ADCY9: variants seen among roughly 807,000 people sequenced by gnomAD.
ADCY9 encodes the protein adenylate cyclase type 9.
In ADCY9, 50 loss-of-function variants were observed where a neutral mutation model predicts 101.5. The observed-to-expected ratio is 0.49, with a 90% CI of 0.39 to 0.62. The LOEUF is 0.62. Among genes scored for constraint, ADCY9 ranks in the 20% least tolerant of loss-of-function variants. ADCY9 has a pLI of 0.00. For synonymous variants in ADCY9, 905 were observed against 769.3 expected, an observed-to-expected ratio of 1.18 and a Z score of -2.92; for missense variants, 1,662 against 1,800.4, an observed-to-expected ratio of 0.92 and a Z score of 1.39.
At chr16:4,100,721 C>G (rs1197414138) in intron 2 of ADCY9, among the ~76,000 whole-genome samples, 1 of 113,868 alleles carries the variant, frequency 8.8e-6, no homozygotes, top group East Asian at 2.6e-4. Context: ...CCAACCTGGG[C>G]AAAGGAGTGA....
chr16:3,961,223 G>C (rs918952326), downstream of ADCY9, among the ~76,000 whole-genome samples: 2 of 152,092 alleles, frequency 1.3e-5, no homozygotes, highest in Non-Finnish European at 2.9e-5. Flanking sequence ...TGAGGAGGAC[G>C]GATCACTTGA....
intron 2 of ADCY9, among the ~76,000 whole-genome samples, chr16:4,024,573 T>G (rs1248237946): frequency 6.6e-6 from 1 of 152,096 alleles, no homozygotes; most frequent in African/African-American, 2.4e-5. Context: ...TGGCTGGCTC[T>G]TTTTAAAGCC....
chr16:3,996,307 C>T (rs1490722427), intron 3 of ADCY9, among the ~76,000 whole-genome samples: 1 of 152,164 alleles, frequency 6.6e-6, no homozygotes, highest in Non-Finnish European at 1.5e-5. Context: ...GGCTGCAGTG[C>T]ACTGTGATTG....
intron 2 of ADCY9, among the ~76,000 whole-genome samples, chr16:4,016,974 G>A (rs1166763726): frequency 6.6e-6 from 1 of 152,140 alleles, no homozygotes; most frequent in Non-Finnish European, 1.5e-5. Flanking sequence ...CATCATATGT[G>A]AATTATACGT....
chr16:3,977,681 C>A, intron 8 of ADCY9, 51 bp from the exon 9 acceptor site: 1 of 1,568,712 alleles, frequency 6.4e-7, no homozygotes, highest in Non-Finnish European at 8.7e-7. Flanking sequence ...CCCGCCACCC[C>A]TGCTATACCC....
rs776923222 is a variant in ADCY9 at position 3,992,162 on chromosome 16, C to T, written c.2191G>A (p.Val731Ile). 3.7e-6 allele frequency: 6 copies of T among 1,614,084 alleles called. No homozygotes were observed. The highest frequency in any genetic ancestry group is 2.2e-5 in the East Asian group (1 of 44,898). ...CAGTCGTACCTGTCTTCTTTGATAA[C>T]GTCCACAAAGTGGGCGTCCGTTTTC... Reference protein sequence around the residue: ...REKTDAHFVDVIKEDSLMKDY... With the variant: ...REKTDAHFVDIIKEDSLMKDY... The change falls in exon 5 of 11, where the codon GTT (valine) becomes ATT (isoleucine). Residue 731 changes from valine to isoleucine, a missense_variant. Physicochemically the swap from Val to Ile is conservative, Grantham distance 29. Coordinates refer to ENST00000294016, the MANE Select transcript of ADCY9 (RefSeq NM_001116.4). This position sits in a 1 kb window ranked among gnomAD's most constrained non-coding sequence, Gnocchi z 4.2.
At chr16:4,021,356 T>C (rs1348400731) in intron 2 of ADCY9, among the ~76,000 whole-genome samples, 1 of 152,218 alleles carries the variant, frequency 6.6e-6, no homozygotes, top group Non-Finnish European at 1.5e-5. Context: ...TCCCTTGCGC[T>C]GAAGCCTTAG....
intron 2 of ADCY9, among the ~76,000 whole-genome samples, chr16:4,062,745 T>C (rs1166290187): frequency 2.6e-5 from 4 of 152,048 alleles, no homozygotes; most frequent in Non-Finnish European, 5.9e-5. Flanking sequence ...AAAAAAGTTA[T>C]AAGAGAAAAA....
At chr16:4,101,954 G>C (rs1402304248) in intron 2 of ADCY9, among the ~76,000 whole-genome samples, 1 of 152,112 alleles carries the variant, frequency 6.6e-6, no homozygotes, top group Admixed American at 6.5e-5. Context: ...GTTTAACCAG[G>C]GCGAGCTATC....
At chr16:3,997,207 G>GC (rs966681034) in intron 3 of ADCY9, among the ~76,000 whole-genome samples, 2 of 152,162 alleles carry the variant, frequency 1.3e-5, no homozygotes, top group East Asian at 1.9e-4. Flanking sequence ...CTTCTTCAGT[G>GC]CCCCCCACGG....
At chr16:4,108,209 T>C (rs1413443595) in intron 2 of ADCY9, among the ~76,000 whole-genome samples, 5 of 152,090 alleles carry the variant, frequency 3.3e-5, no homozygotes, top group Admixed American at 1.3e-4. Flanking sequence ...CCTGTATCTA[T>C]GACAGGAAAA....
chr16:4,032,818 T>A (rs1468049959), intron 2 of ADCY9: 1 of 152,196 alleles, frequency 6.6e-6, no homozygotes. Context: ...GCCTGTATCA[T>A]ATACTTTTTT....
rs756566207 is a variant in ADCY9 at position 3,993,388 on chromosome 16, C to T, written c.1989+18G>A. 1.2e-6 allele frequency: 2 copies of T among 1,612,096 alleles called. No individual in the cohort carries two copies. Among genetic ancestry groups the T allele is most frequent in the Non-Finnish European group, 1.7e-6 (2 of 1,178,160 alleles). ...CCAGGAGAGGAACTGACAGGAACAA[C>T]AGCCATGAGCTTGTTACCTTGGTGC... On this transcript the variant is annotated intron_variant, in intron 4 of 10. Transcript: ENST00000294016.
chr16:4,087,074 C>T (rs2056943713), intron 2 of ADCY9, among the ~76,000 whole-genome samples: 1 of 152,074 alleles, frequency 6.6e-6, no homozygotes, highest in Admixed American at 6.6e-5. Flanking sequence ...TACATCCCAA[C>T]AAGTTATGTC....
intron 2 of ADCY9, among the ~76,000 whole-genome samples, chr16:4,039,155 C>A (rs977618275): frequency 2.0e-5 from 3 of 152,144 alleles, no homozygotes; most frequent in Non-Finnish European, 4.4e-5. Context: ...GAGACTCTAA[C>A]GTGGCATGCA....
chr16:3,990,620 C>G (rs1039073297), intron 5 of ADCY9, among the ~76,000 whole-genome samples: 1 of 152,196 alleles, frequency 6.6e-6, no homozygotes, highest in African/African-American at 2.4e-5. Flanking sequence ...TTCCAACATT[C>G]TCAGACTCAG....
chr16:3,992,119 C>A lies in ADCY9; in HGVS notation c.2207+27G>T. On this transcript the variant is annotated intron_variant, in intron 5 of 10. Transcript: ENST00000294016. The surrounding 1 kb of genome is among the most constrained non-coding windows in gnomAD (Gnocchi z 4.2). ...GAGAGGCTTCTGCCTGCAACCTTTG[C>A]TTTTTCCCAGACAGCCCCAGTCGTA... The A allele has an allele frequency of 1.2e-6, 2 of 1,609,558 alleles. No homozygotes were observed. The highest frequency in any genetic ancestry group is 4.5e-5 in the East Asian group (2 of 44,794).
chr16:4,098,723 A>T (rs72481044), intron 2 of ADCY9, among the ~76,000 whole-genome samples: 17,689 of 152,124 alleles, frequency 0.12, 1,556 homozygotes, highest in East Asian at 0.45. Context: ...ATATGATGCA[A>T]GATGGAAAAG....
intron 2 of ADCY9, among the ~76,000 whole-genome samples, chr16:4,107,656 G>A (rs1399293832): frequency 6.6e-6 from 1 of 151,304 alleles, no homozygotes; most frequent in Admixed American, 6.6e-5. Flanking sequence ...CCAGTGGCAA[G>A]GGTTGCAGGC....
Sources: allele counts gnomAD v4.1 joint callset (sites outside exome capture counted in the v4.1 genomes callset), GRCh38; gene constraint gnomAD v4.1.1; non-coding constraint Gnocchi (gnomAD v3.1); transcripts MANE v1.5; gene names NCBI Gene and HGNC (gene_info 2026-07-23, HGNC 2026-07-21).